Variants in TYW1 observed in about 807,000 individuals in gnomAD.
TYW1 encodes tRNA-yW synthesizing protein 1 homolog.
A neutral mutation model predicts 96.2 loss-of-function variants in TYW1; 46 were observed. That is an observed-to-expected ratio of 0.48 (90% CI 0.38 to 0.61). The LOEUF (loss-of-function observed/expected upper bound fraction) is 0.61. Among genes scored for constraint, TYW1 ranks in the 20% least tolerant of loss-of-function variants. The probability of loss-of-function intolerance (pLI) is 0.00; values close to 1 mark genes in which losing one functional copy is unlikely to be tolerated. For synonymous variants in TYW1, 274 were observed against 323.0 expected, an observed-to-expected ratio of 0.85 and a Z score of 1.63; for missense variants, 684 against 909.6, an observed-to-expected ratio of 0.75 and a Z score of 3.19.
chr7:67,102,437 CA>C (rs1797113120), intron 12 of TYW1, among the ~76,000 whole-genome samples: 1 of 152,050 alleles, frequency 6.6e-6, no homozygotes, highest in Non-Finnish European at 1.5e-5. Context: ...GATAGAATGG[CA>C]TATGATTCCA....
intron 15 of TYW1, among the ~76,000 whole-genome samples, chr7:67,207,399 A>G (rs1250055419): frequency 6.6e-6 from 1 of 152,068 alleles, no homozygotes; most frequent in African/African-American, 2.4e-5. Context: ...CACTCCATTT[A>G]TTCAGTAAAT....
intron 13 of TYW1, among the ~76,000 whole-genome samples, chr7:67,172,808 C>G: frequency 6.6e-6 from 1 of 152,064 alleles, no homozygotes; most frequent in East Asian, 1.9e-4. Context: ...GTCTCTTCTT[C>G]CAGCTGAAGG....
chr7:67,103,265 C>T (rs1437369138), intron 12 of TYW1, among the ~76,000 whole-genome samples: 6 of 152,144 alleles, frequency 3.9e-5, no homozygotes, highest in South Asian at 4.1e-4. Context: ...TTCAGTTTAC[C>T]TTTTTCTGAA....
chr7:67,233,733 CT>C (rs1190681619), intron 15 of TYW1, among the ~76,000 whole-genome samples: 1 of 136,064 alleles, frequency 7.3e-6, no homozygotes, highest in Admixed American at 7.4e-5. Context: ...AAATTTTGCT[CT>C]TTCAGCTTCT....
intron 9 of TYW1, among the ~76,000 whole-genome samples, chr7:67,059,655 G>A (rs1275612877): frequency 6.7e-6 from 1 of 149,206 alleles, no homozygotes; most frequent in Non-Finnish European, 1.5e-5. Context: ...GGTCTTCCCT[G>A]CTTCTGTTTT....
chr7:67,069,615 T>C (rs1795972147), intron 10 of TYW1, among the ~76,000 whole-genome samples: 1 of 152,146 alleles, frequency 6.6e-6, no homozygotes, highest in Non-Finnish European at 1.5e-5. Context: ...GGTGCATGTC[T>C]GAAGTCCCAG....
At chr7:67,189,364 A>G (rs996274886) in intron 14 of TYW1, among the ~76,000 whole-genome samples, 9 of 150,076 alleles carry the variant, frequency 6.0e-5, no homozygotes, top group African/African-American at 2.2e-4. Context: ...TGTGTGTTGT[A>G]TGTGTGCATG....
chr7:67,061,093 T>C (rs1183027815), intron 9 of TYW1, among the ~76,000 whole-genome samples: 3 of 152,022 alleles, frequency 2.0e-5, no homozygotes, highest in African/African-American at 7.2e-5. Context: ...ATGGGTGTGG[T>C]GGTGTGTGCC....
chr7:67,227,717 C>T (rs1801612853), intron 15 of TYW1, among the ~76,000 whole-genome samples: 1 of 151,976 alleles, frequency 6.6e-6, no homozygotes, highest in Non-Finnish European at 1.5e-5. Context: ...CTTTGGACAC[C>T]AAGACTCAGG....
At chr7:67,149,723 TATC>T (rs1053172132) in intron 13 of TYW1, among the ~76,000 whole-genome samples, 13 of 15,946 alleles carry the variant, frequency 8.2e-4, no homozygotes, top group Non-Finnish European at 1.8e-3. Context: ...GGAAAAAAAA[TATC>T]TATCTATCTA....
chr7:67,160,867 G>C (rs376223950), intron 13 of TYW1, among the ~76,000 whole-genome samples: 3 of 151,906 alleles, frequency 2.0e-5, no homozygotes, highest in Admixed American at 6.6e-5. Context: ...GCTGGGATTA[G>C]AGGCGTGATC....
At chr7:67,028,542 A>G (rs1794536064) in intron 7 of TYW1, among the ~76,000 whole-genome samples, 1 of 152,240 alleles carries the variant, frequency 6.6e-6, no homozygotes, top group Non-Finnish European at 1.5e-5. Flanking sequence ...CTTTACTCAT[A>G]ATAAGAGAAA....
intron 12 of TYW1, among the ~76,000 whole-genome samples, chr7:67,113,288 C>T (rs1797481653): frequency 6.6e-6 from 1 of 152,010 alleles, no homozygotes; most frequent in Admixed American, 6.5e-5. Flanking sequence ...AGGGCTGAGC[C>T]TCTTGGCCTC....
intron 15 of TYW1, among the ~76,000 whole-genome samples, chr7:67,199,025 A>C (rs988868189): frequency 4.6e-5 from 7 of 152,048 alleles, no homozygotes; most frequent in Non-Finnish European, 1.0e-4. Context: ...GTGAGACTCC[A>C]TCACTATTTA....
intron 11 of TYW1, among the ~76,000 whole-genome samples, chr7:67,088,639 C>T (rs1796619672): frequency 6.6e-6 from 1 of 152,192 alleles, no homozygotes; most frequent in East Asian, 1.9e-4. Context: ...TCATAGCTCA[C>T]TGCAGCCTCA....
chr7:67,055,474 C>T (rs137959790), intron 8 of TYW1, among the ~76,000 whole-genome samples: 2,708 of 151,966 alleles, frequency 0.018, 43 homozygotes, highest in Middle Eastern at 0.037. Context: ...TGAAGCACAA[C>T]TGTAGTCCCA....
chr7:67,238,255 T>G, intron 15 of TYW1, 53 bp from the exon 16 acceptor site: 1 of 1,583,222 alleles, frequency 6.3e-7, no homozygotes, highest in South Asian at 1.2e-5. Context: ...ACATTCATTT[T>G]TTTTTTCTAG....
intron 15 of TYW1, among the ~76,000 whole-genome samples, chr7:67,234,289 A>G (rs7791833): frequency 0.19 from 19,356 of 100,228 alleles, 4,664 homozygotes; most frequent in African/African-American, 0.35. Context: ...TGAGGCTGCA[A>G]TGTGCAATAG....
intron 11 of TYW1, among the ~76,000 whole-genome samples, chr7:67,086,912 T>C (rs1179418440): frequency 2.0e-5 from 3 of 152,036 alleles, no homozygotes; most frequent in Non-Finnish European, 4.4e-5. Context: ...TTATATGAAG[T>C]TGATTTTTGA....
Sources: gnomAD v4.1 joint callset for allele counts (sites outside exome capture counted in the v4.1 genomes callset) on GRCh38, gnomAD v4.1.1 for gene constraint, MANE v1.5 for transcripts, NCBI Gene and HGNC (gene_info 2026-07-23, HGNC 2026-07-21) for gene names.